SCAPER: variants seen among roughly 807,000 people sequenced by gnomAD.
SCAPER encodes S phase cyclin A-associated protein in the endoplasmic reticulum.
Under a neutral mutation model 182.2 loss-of-function variants are expected in SCAPER, and 98 were observed. The observed-to-expected ratio is 0.54, with a 90% CI of 0.46 to 0.64. The LOEUF is 0.64. SCAPER is among the 30% of genes least tolerant of loss of function. The probability of loss-of-function intolerance (pLI) is 0.00; values close to 1 mark genes in which losing one functional copy is unlikely to be tolerated. For synonymous variants in SCAPER, 605 were observed against 564.6 expected (o/e 1.07, Z -1.01); for missense variants, 1,432 against 1,690.0 (o/e 0.85, Z 2.68).
chr15:76,792,373 G>T (rs957674176), intron 8 of SCAPER, among the ~76,000 whole-genome samples: 2 of 152,090 alleles, frequency 1.3e-5, no homozygotes, highest in African/African-American at 4.8e-5. Flanking sequence ...TTGGGAGACT[G>T]GCAATCTAAA....
intron 27 of SCAPER, among the ~76,000 whole-genome samples, 195 bp downstream of exon 27, chr15:76,404,328 CT>C (rs1339931203): frequency 3.9e-5 from 6 of 152,028 alleles, no homozygotes; most frequent in Non-Finnish European, 8.8e-5. Flanking sequence ...GAAAAAAAGA[CT>C]GGTGAGAGTG....
rs115664650 is a variant in SCAPER, at chr15:76,762,874, G to A, written c.1725+2087C>T. Among the ~76,000 whole-genome samples, 1,005 of 152,238 alleles carry A rather than the reference G, an allele frequency of 6.6e-3. 13 individuals carry two copies. The highest frequency in any genetic ancestry group is 0.023 in the African/African-American group (959 of 41,534). On this transcript the variant is annotated intron_variant, in intron 14 of 31. Coordinates refer to ENST00000563290, the MANE Select transcript of SCAPER (RefSeq NM_020843.4). ...GTCTTGCTATGTCGTCCAGGCTGGT[G>A]TGAGACACCTGGCCTCATGTGATCC...
chr15:76,359,892 G>A (rs774161596), intron 29 of SCAPER, among the ~76,000 whole-genome samples: 2 of 152,204 alleles, frequency 1.3e-5, no homozygotes, highest in Non-Finnish European at 2.9e-5. Flanking sequence ...GGGGCCCCTA[G>A]TTAACAAACT....
At chr15:76,858,581 T>G (rs2151867488) in intron 3 of SCAPER, among the ~76,000 whole-genome samples, 1 of 152,286 alleles carries the variant, frequency 6.6e-6, no homozygotes, top group Non-Finnish European at 1.5e-5. Context: ...TTAGCATAAG[T>G]AACTGATAGG....
At chr15:76,691,538 T>C (rs1339007569) in intron 20 of SCAPER, among the ~76,000 whole-genome samples, 1 of 152,066 alleles carries the variant, frequency 6.6e-6, no homozygotes, top group East Asian at 1.9e-4. Flanking sequence ...TAAAGAGGAA[T>C]GAACTTACTG....
chr15:76,640,791 G>A, intron 21 of SCAPER, among the ~76,000 whole-genome samples: 1 of 152,212 alleles, frequency 6.6e-6, no homozygotes, highest in East Asian at 1.9e-4. Flanking sequence ...ATACAAAGTT[G>A]CATGCAGGAT....
chr15:76,786,165 A>G (rs1392973158), intron 8 of SCAPER, among the ~76,000 whole-genome samples: 1 of 151,962 alleles, frequency 6.6e-6, no homozygotes, highest in Non-Finnish European at 1.5e-5. Context: ...CGTGTCTACT[A>G]AAGACACAAA....
intron 5 of SCAPER, among the ~76,000 whole-genome samples, chr15:76,836,488 G>C (rs1414363252): frequency 1.3e-5 from 2 of 152,096 alleles, no homozygotes; most frequent in Non-Finnish European, 2.9e-5. Context: ...TCAATAAATG[G>C]TGCTGGGATA....
intron 1 of SCAPER, among the ~76,000 whole-genome samples, chr15:76,895,407 A>G (rs1055049481): frequency 6.6e-6 from 1 of 152,204 alleles, no homozygotes; most frequent in African/African-American, 2.4e-5. Flanking sequence ...ACAAGCCCAC[A>G]GCTAACATTA....
At chr15:76,401,729 C>T (rs1487420926) in intron 27 of SCAPER, among the ~76,000 whole-genome samples, 1 of 152,178 alleles carries the variant, frequency 6.6e-6, no homozygotes, top group Admixed American at 6.5e-5. Context: ...GTCCGTATCT[C>T]TTGGTTTGGG....
rs529698425 is a variant in SCAPER at position 76,684,641 on chromosome 15, A to G, written c.2508+17117T>C. Among the ~76,000 whole-genome samples, 3 of 152,148 alleles carry G rather than the reference A, an allele frequency of 2.0e-5. No individual in the cohort carries two copies. The South Asian group carries it at 6.2e-4, about 32-fold the overall frequency. On this transcript the variant is annotated intron_variant, in intron 20 of 31. Transcript: ENST00000563290. The stretch of plus-strand genomic sequence containing the variant: ...GAGACTTAAAAGATACAAGAATGCT[A>G]TCAATAACTACATGAAAATATGTTT...
chr15:76,724,326 T>C (rs1269671306), intron 17 of SCAPER, among the ~76,000 whole-genome samples: 1 of 152,216 alleles, frequency 6.6e-6, no homozygotes, highest in East Asian at 1.9e-4. Context: ...CCTTTGTGGC[T>C]AACCCAACCT....
intron 2 of SCAPER, among the ~76,000 whole-genome samples, chr15:76,868,150 A>T (rs2072427923): frequency 6.6e-6 from 1 of 152,248 alleles, no homozygotes; most frequent in Admixed American, 6.5e-5. Flanking sequence ...TTCCCCTTCC[A>T]GTTATGAAAA....
intron 27 of SCAPER, among the ~76,000 whole-genome samples, chr15:76,398,783 T>A (rs566397461): frequency 1.3e-4 from 20 of 152,186 alleles, no homozygotes; most frequent in Non-Finnish European, 2.8e-4. Flanking sequence ...TTCCAACCAA[T>A]CAGAATTATC....
chr15:76,704,627 T>C (rs2059145692), intron 18 of SCAPER, among the ~76,000 whole-genome samples: 1 of 152,018 alleles, frequency 6.6e-6, no homozygotes, highest in African/African-American at 2.4e-5. Flanking sequence ...AAAGATCAGA[T>C]AGTTTCGCAA....
At chr15:76,559,201 A>ATTTT (rs58642207) in intron 23 of SCAPER, among the ~76,000 whole-genome samples, 40 of 121,786 alleles carry the variant, frequency 3.3e-4, no homozygotes, top group African/African-American at 7.1e-4. Flanking sequence ...CACCCAGCTA[A>ATTTT]TTTTTTTTTT....
intron 20 of SCAPER, among the ~76,000 whole-genome samples, chr15:76,685,322 T>C (rs1567795616): frequency 6.9e-6 from 1 of 145,162 alleles, no homozygotes; most frequent in Non-Finnish European, 1.5e-5. Context: ...CAATGTGATT[T>C]AAAAAAAAAA....
At chr15:76,431,676 C>CAAAAAAAATAAAAAAAAAAAAAAAAAAAA (rs2046869789) in intron 26 of SCAPER, among the ~76,000 whole-genome samples, 1 of 47,128 alleles carries the variant, frequency 2.1e-5, no homozygotes, top group Non-Finnish European at 3.5e-5. Flanking sequence ...AAATGATTAG[C>CAAAAAAAATAAAAAAAAAAAAAAAAAAAA]AAAAAAAAAA....
chr15:76,796,533 A>G (rs962361319), intron 7 of SCAPER, among the ~76,000 whole-genome samples: 6 of 152,248 alleles, frequency 3.9e-5, no homozygotes, highest in African/African-American at 1.4e-4. Flanking sequence ...AGCAGAAGTG[A>G]GTAGATATAC....
Sources: allele counts gnomAD v4.1 joint callset (sites outside exome capture counted in the v4.1 genomes callset), GRCh38; gene constraint gnomAD v4.1.1; transcripts MANE v1.5; gene names NCBI Gene and HGNC (gene_info 2026-07-23, HGNC 2026-07-21).